The following GBE1 variants were observed in gnomAD, a reference collection of about 807,000 sequenced individuals.
GBE1 encodes 1,4-alpha-glucan branching enzyme 1.
GBE1 carries 70 observed loss-of-function variants against 88.8 expected under a neutral mutation model. The ratio of observed to expected loss-of-function variants is 0.79; its 90% CI spans 0.65 to 0.96. The LOEUF is 0.96. Ranked by LOEUF, GBE1 falls within the 40% of genes least tolerant of loss-of-function variation. GBE1 has a pLI of 0.00. For missense variants in GBE1, 872 were observed against 871.0 expected (o/e 1.00, Z -0.01); for synonymous variants, 284 against 300.1 (o/e 0.95, Z 0.56).
chr3:81,758,959 T>C (rs1706640024), intron 1 of GBE1, among the ~76,000 whole-genome samples: 1 of 152,224 alleles, frequency 6.6e-6, no homozygotes, highest in African/African-American at 2.4e-5. Flanking sequence ...GCTGTTCTCC[T>C]GATAGTAAGT....
At chr3:81,683,899 T>C (rs936955128) in intron 2 of GBE1, among the ~76,000 whole-genome samples, 2 of 152,078 alleles carry the variant, frequency 1.3e-5, no homozygotes, top group African/African-American at 4.8e-5. Flanking sequence ...TTTAAAAAAA[T>C]AATTTGAGCA....
intron 1 of GBE1, among the ~76,000 whole-genome samples, chr3:81,720,764 C>A (rs933180905): frequency 3.3e-5 from 5 of 151,568 alleles, no homozygotes; most frequent in Non-Finnish European, 7.4e-5. Context: ...ATGTTTATTG[C>A]GGCACTATTC....
At chr3:81,645,317 G>A (rs368579693) in intron 6 of GBE1, among the ~76,000 whole-genome samples, 1 of 152,140 alleles carries the variant, frequency 6.6e-6, no homozygotes, top group Non-Finnish European at 1.5e-5. Context: ...AACAAGTGAG[G>A]TGGGAAAAGC....
intron 2 of GBE1, among the ~76,000 whole-genome samples, chr3:81,674,685 TTAA>T (rs1301733585): frequency 6.6e-6 from 1 of 151,690 alleles, no homozygotes; most frequent in Admixed American, 6.6e-5. Context: ...AGTAATAATA[TTAA>T]TAATAATAAA....
intron 15 of GBE1, 58 bp from the exon 16 acceptor site, chr3:81,490,521 A>G (rs1702422658): frequency 7.4e-7 from 1 of 1,349,434 alleles, no homozygotes; most frequent in Non-Finnish European, 1.1e-6. Context: ...GCCTGTCATT[A>G]TGTCAAAGAA....
chr3:81,725,085 G>C (rs867693996), intron 1 of GBE1, among the ~76,000 whole-genome samples: 48 of 152,182 alleles, frequency 3.2e-4, no homozygotes, highest in African/African-American at 1.1e-3. Context: ...TCTGCTGGTA[G>C]ACGTGTTGCT....
chr3:81,595,611 T>C (rs79058577), intron 7 of GBE1, among the ~76,000 whole-genome samples: 4,440 of 152,052 alleles, frequency 0.029, 97 homozygotes, highest in Non-Finnish European at 0.042. Flanking sequence ...GATAAGTGAA[T>C]TATATTGCAA....
rs1379347812 is a variant in GBE1, at chr3:81,708,375, AG to A, written c.144-2763del. On this transcript the variant is annotated intron_variant, in intron 1 of 15. Coordinates refer to ENST00000429644, the MANE Select transcript of GBE1 (RefSeq NM_000158.4). ...AACTTTAATATTTTAAAAATAAGTAAGTCCAAGAGATCATGGAAAATGAAAT... is the reference window on the plus strand; with the variant it reads ...AACTTTAATATTTTAAAAATAAGTAATCCAAGAGATCATGGAAAATGAAAT... Among the ~76,000 whole-genome samples, 7 of 152,202 alleles carry A rather than the reference AG, an allele frequency of 4.6e-5. No individual in the cohort carries two copies. The East Asian group carries it at 1.4e-3, about 29-fold the overall frequency.
intron 3 of GBE1, chr3:81,654,459 T>G (rs1442177658): frequency 6.6e-6 from 1 of 152,070 alleles, no homozygotes; most frequent in Non-Finnish European, 1.5e-5. Context: ...ATATAAAAAA[T>G]CGGATGTGTT....
intron 8 of GBE1, among the ~76,000 whole-genome samples, chr3:81,592,405 AT>A (rs10719127): frequency 0.13 from 19,946 of 150,888 alleles, 1,910 homozygotes; most frequent in East Asian, 0.37. Context: ...GAGTCCAACC[AT>A]TTTTTTTTCA....
rs539702921 is a variant in GBE1 at position 81,566,731 on chromosome 3, T to C, written c.1618+11194A>G. Among the ~76,000 whole-genome samples the C allele has an allele frequency of 6.6e-5, 10 of 152,298 alleles. No individual in the cohort carries two copies. In the South Asian group the frequency reaches 1.9e-3, roughly 28 times the overall value. The stretch of plus-strand genomic sequence containing the variant: ...AAGTTATCAATCATGAATTTTTTCA[T>C]CTTCACAAAACCCCACTTACAACCA... On this transcript the variant is annotated intron_variant, in intron 12 of 15. Coordinates refer to ENST00000429644, the MANE Select transcript of GBE1 (RefSeq NM_000158.4).
At chr3:81,620,362 T>C (rs967556380) in intron 7 of GBE1, among the ~76,000 whole-genome samples, 3 of 151,936 alleles carry the variant, frequency 2.0e-5, no homozygotes, top group African/African-American at 7.3e-5. Context: ...TTTTGTATTT[T>C]TAGTAGAGAT....
rs2107092490 is a variant in GBE1, at chr3:81,658,850, T to C, written c.430-8929A>G. Among the ~76,000 whole-genome samples, 4 of 152,264 alleles carry C rather than the reference T, an allele frequency of 2.6e-5. 1 individual carries two copies. In the Middle Eastern group the frequency reaches 0.014, roughly 518 times the overall value. On this transcript the variant is annotated intron_variant, in intron 3 of 15. Transcript: ENST00000429644. ...AAGCAGGCATTGAAAACGATATCCC[T>C]GAACAAGTGAGAATAAACACTCCTA...
chr3:81,593,633 G>A (rs920146294), intron 8 of GBE1, among the ~76,000 whole-genome samples: 1 of 151,932 alleles, frequency 6.6e-6, no homozygotes, highest in African/African-American at 2.4e-5. Flanking sequence ...AAGTGCTGTA[G>A]TGTTCACATC....
At chr3:81,743,726 ATGTTTT>A in intron 1 of GBE1, 2 of 769,450 alleles carry the variant, frequency 2.6e-6, no homozygotes, top group Non-Finnish European at 3.9e-6. Context: ...TGTCTGGCCC[ATGTTTT>A]TGTTTTGTGT....
intron 12 of GBE1, among the ~76,000 whole-genome samples, chr3:81,544,353 A>G (rs936031517): frequency 4.6e-5 from 7 of 152,154 alleles, no homozygotes; most frequent in Non-Finnish European, 1.0e-4. Flanking sequence ...TCTGGCACTA[A>G]CCATCAAAGC....
intron 2 of GBE1, among the ~76,000 whole-genome samples, chr3:81,704,059 G>A (rs1705738087): frequency 6.6e-6 from 1 of 151,866 alleles, no homozygotes; most frequent in Non-Finnish European, 1.5e-5. Flanking sequence ...AAGACTTGCT[G>A]TACCCAGATT....
At chr3:81,597,482 A>AATATGTATATAT (rs1703974123) in intron 7 of GBE1, among the ~76,000 whole-genome samples, 2 of 137,792 alleles carry the variant, frequency 1.5e-5, no homozygotes, top group African/African-American at 5.3e-5. Context: ...TATATCTCAA[A>AATATGTATATAT]ATATATATAT....
intron 2 of GBE1, among the ~76,000 whole-genome samples, chr3:81,698,050 T>TTA (rs112229032): frequency 1.9e-3 from 280 of 146,830 alleles, no homozygotes; most frequent in Middle Eastern, 0.018. Context: ...TATATTAGTT[T>TTA]TATATATATA....
Sources: allele counts gnomAD v4.1 joint callset (sites outside exome capture counted in the v4.1 genomes callset), GRCh38; gene constraint gnomAD v4.1.1; transcripts MANE v1.5; gene names NCBI Gene and HGNC (gene_info 2026-07-23, HGNC 2026-07-21).